POLR3B: variants seen among roughly 807,000 people sequenced by gnomAD.
POLR3B encodes RNA polymerase III subunit B, also known as DNA-directed RNA polymerase III subunit RPC2.
POLR3B carries 96 observed loss-of-function variants against 147.4 expected under a neutral mutation model. That is an observed-to-expected ratio of 0.65 (90% CI 0.55 to 0.77). The LOEUF (loss-of-function observed/expected upper bound fraction) is 0.77, where lower values mean the gene tolerates loss of function less well. POLR3B is among the 30% of genes least tolerant of loss of function. The pLI is 0.00. For synonymous variants in POLR3B, 461 were observed against 485.9 expected, an observed-to-expected ratio of 0.95 and a Z score of 0.67; for missense variants, 1,036 against 1,413.5, an observed-to-expected ratio of 0.73 and a Z score of 4.28.
At chr12:106,380,801 A>G (rs2136902659) in intron 9 of POLR3B, among the ~76,000 whole-genome samples, 1 of 152,302 alleles carries the variant, frequency 6.6e-6, no homozygotes, top group East Asian at 1.9e-4. Context: ...AGAACCCAAA[A>G]GACATTTTCC....
chr12:106,365,373 G>T (rs751096893), intron 2 of POLR3B, among the ~76,000 whole-genome samples: 4 of 152,086 alleles, frequency 2.6e-5, no homozygotes, highest in East Asian at 1.9e-4. Context: ...TAAAATGGTC[G>T]TAAGGTCAAG....
chr12:106,405,400 T>C (rs1252951416), intron 10 of POLR3B, among the ~76,000 whole-genome samples: 1 of 152,176 alleles, frequency 6.6e-6, no homozygotes, highest in East Asian at 1.9e-4. Context: ...ATTTAGGTTT[T>C]GTTTTCTGTC....
At chr12:106,424,983 G>C (rs143963625) in intron 12 of POLR3B, among the ~76,000 whole-genome samples, 198 of 152,194 alleles carry the variant, frequency 1.3e-3, no homozygotes, top group African/African-American at 4.6e-3. Flanking sequence ...CTAAACACAT[G>C]TGCTATTTCT....
Position 106,432,376 on chromosome 12 carries a change from A to G in POLR3B, c.1523A>G (p.Asp508Gly). 4 of 1,613,812 alleles carry G rather than the reference A, an allele frequency of 2.5e-6. No individual in the cohort carries two copies. The highest frequency in any genetic ancestry group is 1.1e-5 in the South Asian group (1 of 91,078). Residue 508 changes from aspartate to glycine, a missense_variant, in exon 15 of 28, where the codon GAT (aspartate) becomes GGT (glycine). By Grantham distance (94) the Asp-to-Gly change is moderately conservative (BLOSUM62 -1). This residue lies in a region of POLR3B where 177 missense variants were observed against 232.7 expected (regional missense o/e 0.76). Transcript: ENST00000228347. ...ACACACATCACAACTGATATGGAAG[A>G]TGGACCCATTGTTAAATTAGCCAGT... ...LMTHITTDME[D>G]GPIVKLASNL...
intron 1 of POLR3B, among the ~76,000 whole-genome samples, chr12:106,361,202 G>A (rs2036465570): frequency 6.6e-6 from 1 of 152,186 alleles, no homozygotes; most frequent in East Asian, 1.9e-4. Context: ...TAGTAAGGAA[G>A]TATTGCCGCA....
chr12:106,449,609 TAAGG>T (rs1280660549), intron 19 of POLR3B, among the ~76,000 whole-genome samples: 6 of 152,322 alleles, frequency 3.9e-5, no homozygotes, highest in South Asian at 2.1e-4. Flanking sequence ...AAGGAAATGA[TAAGG>T]AAGAGAAAAT....
intron 9 of POLR3B, among the ~76,000 whole-genome samples, chr12:106,390,693 A>C (rs1194072683): frequency 7.1e-6 from 1 of 141,498 alleles, no homozygotes; most frequent in African/African-American, 2.9e-5. Context: ...GCATCCTGAG[A>C]ACTTGTTTGC....
chr12:106,501,978 G>T (rs1230146), intron 26 of POLR3B, among the ~76,000 whole-genome samples: 152,370 of 152,372 alleles, frequency 1, 76,184 homozygotes, highest in Middle Eastern at 1. Context: ...AATGTCTGTG[G>T]GTTAATGAAT....
At chr12:106,495,553 A>G (rs2038466047) in intron 23 of POLR3B, among the ~76,000 whole-genome samples, 1 of 152,238 alleles carries the variant, frequency 6.6e-6, no homozygotes, top group South Asian at 2.1e-4. Context: ...CACATCAGCC[A>G]CACACAGGTA....
intron 4 of POLR3B, among the ~76,000 whole-genome samples, chr12:106,368,543 A>T (rs1405775089): frequency 6.6e-6 from 1 of 152,122 alleles, no homozygotes; most frequent in Non-Finnish European, 1.5e-5. Context: ...TTTAAAAAAA[A>T]ATTTTTCAAT....
intron 1 of POLR3B, among the ~76,000 whole-genome samples, chr12:106,361,518 AC>A (rs2036469671): frequency 6.6e-6 from 1 of 152,136 alleles, no homozygotes; most frequent in Non-Finnish European, 1.5e-5. Context: ...CCAGTAGCTT[AC>A]TGCAACAGTG....
chr12:106,390,485 A>C (rs1310291804), intron 9 of POLR3B, among the ~76,000 whole-genome samples: 3 of 152,056 alleles, frequency 2.0e-5, no homozygotes, highest in Non-Finnish European at 4.4e-5. Context: ...AGAATAATCT[A>C]GTTTTGTTTG....
intron 23 of POLR3B, among the ~76,000 whole-genome samples, chr12:106,476,542 AT>A (rs2038173485): frequency 9.0e-6 from 1 of 111,546 alleles, no homozygotes; most frequent in Non-Finnish European, 1.8e-5. Flanking sequence ...ATAGTCCCAT[AT>A]TTCTTGGAGG....
intron 19 of POLR3B, among the ~76,000 whole-genome samples, chr12:106,445,435 A>G (rs2037708855): frequency 6.6e-6 from 1 of 152,122 alleles, no homozygotes. Flanking sequence ...TTTTGAAGGT[A>G]TGAAAGTGTG....
intron 1 of POLR3B, among the ~76,000 whole-genome samples, chr12:106,358,922 C>T (rs772476162): frequency 4.6e-5 from 7 of 152,158 alleles, no homozygotes; most frequent in Non-Finnish European, 1.0e-4. Context: ...GTAAGTCTAT[C>T]GGATTATAAG....
At chr12:106,373,198 C>G (rs539948326) in intron 6 of POLR3B, among the ~76,000 whole-genome samples, 9 of 152,172 alleles carry the variant, frequency 5.9e-5, no homozygotes, top group Non-Finnish European at 1.2e-4. Flanking sequence ...TTAAAATCTC[C>G]CACTATGATG....
intron 9 of POLR3B, among the ~76,000 whole-genome samples, chr12:106,389,658 C>T (rs987299417): frequency 3.3e-5 from 5 of 151,558 alleles, no homozygotes; most frequent in African/African-American, 1.2e-4. Flanking sequence ...GGTTGAGCAT[C>T]TCAAATCCAG....
chr12:106,407,773 G>C (rs1039593283), intron 11 of POLR3B, among the ~76,000 whole-genome samples: 2 of 151,810 alleles, frequency 1.3e-5, no homozygotes, highest in Non-Finnish European at 2.9e-5. Flanking sequence ...AGGTAGCAGT[G>C]AGCCAAGATC....
intron 12 of POLR3B, among the ~76,000 whole-genome samples, chr12:106,424,973 C>G (rs578181762): frequency 1.3e-5 from 2 of 152,222 alleles, no homozygotes; most frequent in East Asian, 3.9e-4. Context: ...TGCAAACTTG[C>G]TAAACACATG....
Sources: allele counts gnomAD v4.1 joint callset (sites outside exome capture counted in the v4.1 genomes callset), GRCh38; gene constraint gnomAD v4.1.1; regional missense constraint gnomAD v4.1.1; transcripts MANE v1.5; gene names NCBI Gene and HGNC (gene_info 2026-07-23, HGNC 2026-07-21).